DAB2: variants seen among roughly 807,000 people sequenced by gnomAD.
The protein encoded by DAB2 is DAB adaptor protein 2, also known as disabled homolog 2.
A neutral mutation model predicts 71.6 loss-of-function variants in DAB2; 28 were observed. The ratio of observed to expected loss-of-function variants is 0.39; its 90% CI spans 0.29 to 0.54. The LOEUF (loss-of-function observed/expected upper bound fraction) is 0.54. DAB2 is among the 20% of genes least tolerant of loss of function. The pLI, the probability that DAB2 is intolerant of heterozygous loss-of-function variation, is 0.68. For missense variants in DAB2, 867 were observed against 928.8 expected (o/e 0.93, Z 0.86); for synonymous variants, 345 against 339.7 (o/e 1.02, Z -0.17).
chr5:39,418,719 T>C (rs1755905649), intron 1 of DAB2, among the ~76,000 whole-genome samples: 1 of 152,228 alleles, frequency 6.6e-6, no homozygotes, highest in African/African-American at 2.4e-5. Flanking sequence ...GACAGTCTTC[T>C]AATTTTCAGC....
intron 1 of DAB2, among the ~76,000 whole-genome samples, chr5:39,412,004 G>C (rs903927487): frequency 6.6e-6 from 1 of 152,098 alleles, no homozygotes; most frequent in Non-Finnish European, 1.5e-5. Flanking sequence ...TTAATTATCA[G>C]AGGTGAGATG....
chr5:39,386,725 G>A (rs1308737133), intron 9 of DAB2, among the ~76,000 whole-genome samples: 3 of 152,076 alleles, frequency 2.0e-5, no homozygotes, highest in Non-Finnish European at 2.9e-5. Context: ...GTACTTCCTT[G>A]CCTATTCCAG....
chr5:39,419,060 T>C (rs867345991), intron 1 of DAB2, among the ~76,000 whole-genome samples: 1 of 152,204 alleles, frequency 6.6e-6, no homozygotes, highest in Non-Finnish European at 1.5e-5. Context: ...AATTATATAC[T>C]TGTACATCAC....
At chr5:39,397,473 C>G (rs1046681588) in intron 1 of DAB2, among the ~76,000 whole-genome samples, 4 of 152,164 alleles carry the variant, frequency 2.6e-5, no homozygotes, top group African/African-American at 9.7e-5. Context: ...TTGATCTTCT[C>G]TTCTTACTCT....
At chr5:39,403,739 T>A (rs1017309417) in intron 1 of DAB2, among the ~76,000 whole-genome samples, 5 of 148,778 alleles carry the variant, frequency 3.4e-5, no homozygotes, top group African/African-American at 1.2e-4. Flanking sequence ...TTTTTGAGCA[T>A]GATAGGAAGT....
Position 39,375,054 on chromosome 5 carries a change from T to G in DAB2, c.2278A>C (p.Met760Leu), listed in dbSNP as rs1754791312. Reference sequence around the variant, plus strand: ...GGATTTCCAAATGGATCCCTATACATCTCAGAAGATACAGGTTGAGAAGAA... The same window carrying G: ...GGATTTCCAAATGGATCCCTATACAGCTCAGAAGATACAGGTTGAGAAGAA... The part of the protein sequence containing the change: ...VASSQPVSSE[M>L]YRDPFGNPFA The change falls in exon 14 of 15, where the codon ATG becomes CTG. Residue 760 changes from methionine (M) to leucine (L), a missense_variant. Physicochemically the swap from Met to Leu is conservative, Grantham distance 15 (BLOSUM62 2). Coordinates refer to ENST00000320816, the MANE Select transcript of DAB2 (RefSeq NM_001343.4). 1.9e-6 allele frequency: 3 copies of G among 1,611,784 alleles called. No homozygotes were observed. The highest frequency in any genetic ancestry group is 1.6e-4 in the Middle Eastern group (1 of 6,066).
At chr5:39,404,444 T>A (rs1240616634) in intron 1 of DAB2, among the ~76,000 whole-genome samples, 5 of 129,158 alleles carry the variant, frequency 3.9e-5, no homozygotes, top group Admixed American at 7.6e-5. Flanking sequence ...AAAAAATAAA[T>A]GCATGTATTA....
intron 3 of DAB2, among the ~76,000 whole-genome samples, 190 bp from the exon 4 acceptor site, chr5:39,392,653 G>A (rs1755262873): frequency 6.6e-6 from 1 of 152,144 alleles, no homozygotes; most frequent in Non-Finnish European, 1.5e-5. Flanking sequence ...CCCTTAGTTA[G>A]CTGTGCGAAC....
chr5:39,410,986 T>C (rs1388306987), intron 1 of DAB2, among the ~76,000 whole-genome samples: 1 of 152,176 alleles, frequency 6.6e-6, no homozygotes, highest in Non-Finnish European at 1.5e-5. Flanking sequence ...TTAAAAAATC[T>C]GACTTAACAC....
At chr5:39,398,158 T>G (rs1365666239) in intron 1 of DAB2, among the ~76,000 whole-genome samples, 1 of 152,252 alleles carries the variant, frequency 6.6e-6, no homozygotes, top group African/African-American at 2.4e-5. Flanking sequence ...CAATTTGTAT[T>G]CTTACATGAG....
At chr5:39,381,282 A>G (rs189085702) in intron 11 of DAB2, among the ~76,000 whole-genome samples, 172 bp downstream of exon 11, 10 of 152,342 alleles carry the variant, frequency 6.6e-5, no homozygotes, top group African/African-American at 2.4e-4. Flanking sequence ...GTTACAAGTC[A>G]AGAATATCAA....
intron 13 of DAB2, 89 bp from the exon 14 acceptor site, chr5:39,375,173 T>C (rs1754795975): frequency 1.1e-6 from 1 of 938,074 alleles, no homozygotes; most frequent in Non-Finnish European, 1.7e-6. Context: ...CTTTTAAAAA[T>C]CGCTTAGGTC....
chr5:39,375,976 CTTCTAGT>C lies in DAB2; in HGVS notation c.2247+14_2247+20del. The stretch of plus-strand genomic sequence containing the variant: ...ATGTGGCATGTACTTTGGAGAAGAG[CTTCTAGT>C]AGTTCATACTTACAGAGGCTTGTGA... On this transcript the variant is annotated intron_variant, in intron 13 of 14. Transcript: ENST00000320816. 6.3e-7 allele frequency: 1 copy of C among 1,581,006 alleles called. No homozygotes were observed.
At chr5:39,389,351 T>C (rs542101966) in intron 6 of DAB2, among the ~76,000 whole-genome samples, 7 of 152,034 alleles carry the variant, frequency 4.6e-5, no homozygotes, top group Non-Finnish European at 8.8e-5. Flanking sequence ...ATGAATCTCA[T>C]AGAGAGAAAA....
chr5:39,390,596 G>A, intron 4 of DAB2, 21 bp from the exon 5 acceptor site: 1 of 1,584,022 alleles, frequency 6.3e-7, no homozygotes, highest in Non-Finnish European at 8.6e-7. Flanking sequence ...AACATAAAGA[G>A]TAATTTATTA....
chr5:39,393,514 T>G (rs1755284441), intron 2 of DAB2, 121 bp from the exon 3 acceptor site: 1 of 1,036,028 alleles, frequency 9.7e-7, no homozygotes, highest in African/African-American at 1.6e-5. Flanking sequence ...ATCATGTATG[T>G]AATATTCTGT....
chr5:39,375,048 T>C lies in DAB2; in HGVS notation c.2284A>G (p.Arg762Gly). The change falls in exon 14 of 15, where the codon AGG (arginine) becomes GGG (glycine). Residue 762 changes from arginine to glycine, a missense_variant. Physicochemically the swap from Arg to Gly is moderately radical, Grantham distance 125. Coordinates refer to ENST00000320816, the MANE Select transcript of DAB2 (RefSeq NM_001343.4). ...GCAAAAGGATTTCCAAATGGATCCC[T>C]ATACATCTCAGAAGATACAGGTTGA... Reference protein sequence around the residue: ...SSQPVSSEMYRDPFGNPFA With the variant: ...SSQPVSSEMYGDPFGNPFA The C allele has an allele frequency of 6.2e-7, 1 of 1,612,084 alleles. No individual in the cohort carries two copies. The highest frequency in any genetic ancestry group is 8.5e-7 in the Non-Finnish European group (1 of 1,178,630).
chr5:39,394,521 T>C (rs1579912700), intron 1 of DAB2, 100 bp from the exon 2 acceptor site: 2 of 570,810 alleles, frequency 3.5e-6, no homozygotes, highest in East Asian at 5.7e-5. Context: ...TTGTAGTTCT[T>C]TGGACTCATT....
chr5:39,395,038 T>C (rs1755326005), intron 1 of DAB2, among the ~76,000 whole-genome samples: 1 of 152,196 alleles, frequency 6.6e-6, no homozygotes, highest in African/African-American at 2.4e-5. Context: ...GTTCCAATTG[T>C]GCAATTAATC....
Sources: gnomAD v4.1 joint callset for allele counts (sites outside exome capture counted in the v4.1 genomes callset) on GRCh38, gnomAD v4.1.1 for gene constraint, MANE v1.5 for transcripts, NCBI Gene and HGNC (gene_info 2026-07-23, HGNC 2026-07-21) for gene names.